The following PLCG1 variants were observed in gnomAD, a reference collection of about 807,000 sequenced individuals.
PLCG1 encodes phospholipase C gamma 1.
Under a neutral mutation model 177.8 loss-of-function variants are expected in PLCG1, and 71 were observed. The ratio of observed to expected loss-of-function variants is 0.40; its 90% confidence interval spans 0.33 to 0.49. PLCG1 has a LOEUF of 0.49. PLCG1 is among the 20% of genes least tolerant of loss of function. The pLI is 0.72. For missense variants in PLCG1, 1,281 were observed against 1,709.0 expected (o/e 0.75, Z 4.42); for synonymous variants, 658 against 647.9 (o/e 1.02, Z -0.24).
At chr20:41,139,068 G>A (rs182097946) in intron 1 of PLCG1, among the ~76,000 whole-genome samples, 26 of 152,302 alleles carry the variant, frequency 1.7e-4, no homozygotes, top group Non-Finnish European at 2.8e-4. Flanking sequence ...AAACCTTCTT[G>A]GGTATGGTGT....
Position 41,169,493 on chromosome 20 carries a change from CG to C in PLCG1, c.2623del (p.Val875SerfsTer49). On this transcript the variant is annotated frameshift_variant, in exon 23 of 32. Coordinates refer to ENST00000685551, the MANE Select transcript of PLCG1 (RefSeq NM_002660.3). LOFTEE classifies it high-confidence loss of function. Reference protein sequence around the residue: ...DENSPLGDLLRGVLDVPACQI... With the variant: ...DENSPLGDLLXGVLDVPACQI... ...GAACAGCCCCCTAGGGGACTTGCTG[CG>C]GGGGGTCTTGGATGTGCCGGCTTGT... 1 of 1,613,596 alleles carries C rather than the reference CG, an allele frequency of 6.2e-7. No individual in the cohort carries two copies. The highest frequency in any genetic ancestry group is 8.5e-7 in the Non-Finnish European group (1 of 1,179,598).
rs373656641 is a variant in PLCG1, at chr20:41,159,827, G to A, written c.371-43G>A. The A allele has an allele frequency of 5.3e-5, 85 of 1,612,684 alleles. No homozygotes were observed. In the Middle Eastern group the frequency reaches 9.9e-4, roughly 19 times the overall value. On this transcript the variant is annotated intron_variant, in intron 2 of 31. Coordinates refer to ENST00000685551, the MANE Select transcript of PLCG1 (RefSeq NM_002660.3). The surrounding 1 kb of genome is among the most constrained non-coding windows in gnomAD (Gnocchi z 6.0). ...ATGCCTGCTGGCTCCTGCCCAGTGG[G>A]AGGTATGTGCCCTCGGGGCAGCTAT...
At position 41,164,227 on chromosome 20, in the gene PLCG1, G is replaced by T; in HGVS notation, c.1217+26G>T. On this transcript the variant is annotated intron_variant, in intron 12 of 31. Transcript: ENST00000685551. This position sits in a 1 kb window ranked among gnomAD's most constrained non-coding sequence, Gnocchi z 6.4. ...GTGAGTCGGAGGCTGGATGACCCAG[G>T]GGTTAACTTGGCTCCAGGTCTCTCG... 1 of 1,612,950 alleles carries T rather than the reference G, an allele frequency of 6.2e-7. No homozygotes were observed. The highest frequency in any genetic ancestry group is 1.1e-5 in the South Asian group (1 of 91,004).
At chr20:41,139,453 C>G (rs1160593839) in intron 1 of PLCG1, among the ~76,000 whole-genome samples, 1 of 152,146 alleles carries the variant, frequency 6.6e-6, no homozygotes, top group African/African-American at 2.4e-5. Flanking sequence ...CATTTTAAAC[C>G]ACGCATATTA....
chr20:41,172,928 TG>T lies in PLCG1; in HGVS notation c.3279+53del, dbSNP rs778444742. On this transcript the variant is annotated intron_variant, in intron 27 of 31. Transcript: ENST00000685551. The surrounding 1 kb of genome is among the most constrained non-coding windows in gnomAD (Gnocchi z 7.0). ...GGGTAGGAAAGGGGCTGCTTGCCGTTGGAGTCTGTTTATGTTGAGTTCTCCA... is the reference window on the plus strand; with the variant it reads ...GGGTAGGAAAGGGGCTGCTTGCCGTTGAGTCTGTTTATGTTGAGTTCTCCA... The T allele has an allele frequency of 2.6e-5, 41 of 1,586,548 alleles. No individual in the cohort carries two copies. The East Asian group carries it at 8.8e-4, about 34-fold the overall frequency.
In PLCG1 at chr20:41,174,581, G is replaced by A; in HGVS notation, c.*72G>A. ...AGAATGCCGCGAACTGGGTTCTTTG[G>A]AAGCAGCCCCCTGTGGCGGCCTTCC... On this transcript the variant is annotated 3_prime_UTR_variant, in exon 32 of 32. Transcript: ENST00000685551. This position sits in a 1 kb window ranked among gnomAD's most constrained non-coding sequence, Gnocchi z 5.8. 1.4e-6 allele frequency: 2 copies of A among 1,389,010 alleles called. No individual in the cohort carries two copies. The highest frequency in any genetic ancestry group is 2.0e-6 in the Non-Finnish European group (2 of 999,266). 86.0% of individuals were successfully genotyped at this position (1,389,010 alleles called of 1,614,324 possible). A position where few individuals can be genotyped will look rare whatever the true frequency, so the allele number is the denominator to read the frequency against.
chr20:41,145,797 G>A (rs2146004056), intron 1 of PLCG1, among the ~76,000 whole-genome samples: 1 of 152,294 alleles, frequency 6.6e-6, no homozygotes, highest in Middle Eastern at 3.4e-3. Context: ...CTTAAGAGAG[G>A]CTATGGTCCC....
rs1380404320 is a variant in PLCG1, at chr20:41,163,678, A to G, written c.892-37A>G. Reference sequence around the variant, plus strand: ...CCATCTTGGGTTGGACAGGGCAGGGACTCACTGTCTCTTCCCTTCCACATG... The same window carrying G: ...CCATCTTGGGTTGGACAGGGCAGGGGCTCACTGTCTCTTCCCTTCCACATG... On this transcript the variant is annotated intron_variant, in intron 9 of 31. Transcript: ENST00000685551. The surrounding 1 kb of genome is among the most constrained non-coding windows in gnomAD (Gnocchi z 5.2). 1.0e-5 allele frequency: 14 copies of G among 1,402,496 alleles called. No individual in the cohort carries two copies. The highest frequency in any genetic ancestry group is 1.4e-5 in the African/African-American group (1 of 70,754). The allele number at this position is 1,402,496 out of a possible 1,614,324, so 86.9% of individuals were successfully genotyped here.
chr20:41,164,328 C>G lies in PLCG1; in HGVS notation c.1217+127C>G. 1 of 918,476 alleles carries G rather than the reference C, an allele frequency of 1.1e-6. No individual in the cohort carries two copies. Among genetic ancestry groups the G allele is most frequent in the Non-Finnish European group, 1.7e-6 (1 of 598,570 alleles). The allele number at this position is 918,476 out of a possible 1,614,324, so 56.9% of individuals were successfully genotyped here. A position where few individuals can be genotyped will look rare whatever the true frequency, so the allele number is the denominator to read the frequency against. On this transcript the variant is annotated intron_variant, in intron 12 of 31. Coordinates refer to ENST00000685551, the MANE Select transcript of PLCG1 (RefSeq NM_002660.3). This position sits in a 1 kb window ranked among gnomAD's most constrained non-coding sequence, Gnocchi z 6.4. ...CCCTCAGCCTTTCATCTTTGTCCTT[C>G]CTCTTGGCCTCTCCTCGTCACCTGC...
Position 41,162,665 on chromosome 20 carries a change from C to A in PLCG1, c.621C>A (p.Asp207Glu). ...RLTDLEQRSGDITYGQFAQLY... is the reference protein window; with the variant it reads ...RLTDLEQRSGEITYGQFAQLY... ...AGGACCTGGAGCAGCGCAGCGGGGA[C>A]ATCACCTACGGGCAGTTTGCTCAGC... Residue 207 changes from aspartate (D) to glutamate (E), a missense_variant, in exon 6 of 32, where the codon GAC becomes GAA. Asp to Glu is a conservative substitution (Grantham distance 45). This residue lies in a region of PLCG1 where 374 missense variants were observed against 443.8 expected (regional missense o/e 0.84). Coordinates refer to ENST00000685551, the MANE Select transcript of PLCG1 (RefSeq NM_002660.3). The A allele has an allele frequency of 6.2e-7, 1 of 1,614,016 alleles. No homozygotes were observed. The highest frequency in any genetic ancestry group is 1.3e-5 in the African/African-American group (1 of 75,026).
In PLCG1 at chr20:41,166,906, A is replaced by T. The variant is rs2035714844; in HGVS notation, c.2301+47A>T. On this transcript the variant is annotated intron_variant, in intron 19 of 31. Transcript: ENST00000685551. The surrounding 1 kb of genome is among the most constrained non-coding windows in gnomAD (Gnocchi z 8.6). ...GGGCATGGCAGGGGAGGCAGGAGAG[A>T]CCCAGAATCTTACCAGTCTCTGGAT... 6.4e-7 allele frequency: 1 copy of T among 1,550,704 alleles called. No homozygotes were observed. Among genetic ancestry groups the T allele is most frequent in the African/African-American group, 1.4e-5 (1 of 73,724 alleles).
Position 41,165,106 on chromosome 20 carries a change from G to C in PLCG1, c.1386+5G>C. On this transcript the variant is annotated splice_donor_5th_base_variant and intron_variant, in intron 13 of 31. Transcript: ENST00000685551. The surrounding 1 kb of genome is among the most constrained non-coding windows in gnomAD (Gnocchi z 6.6). ...AAGAGGAAGATCCTCATCAAGGTGG[G>C]GTGGCGGGCTTATTGCGGAAGCCCC... is the stretch of plus-strand genomic sequence containing the variant. 3 of 1,610,802 alleles carry C rather than the reference G, an allele frequency of 1.9e-6. No homozygotes were observed. The highest frequency in any genetic ancestry group is 1.7e-4 in the Middle Eastern group (1 of 6,042).
chr20:41,140,788 G>A (rs975667175), intron 1 of PLCG1, among the ~76,000 whole-genome samples: 14 of 152,336 alleles, frequency 9.2e-5, no homozygotes, highest in South Asian at 4.1e-4. Flanking sequence ...ATAAAATGCA[G>A]TTATGTAGAG....
chr20:41,154,721 C>T (rs753805397), intron 1 of PLCG1, among the ~76,000 whole-genome samples: 5 of 152,164 alleles, frequency 3.3e-5, no homozygotes, highest in Non-Finnish European at 5.9e-5. Flanking sequence ...TCTCCCTTTC[C>T]CAGGTTCCAG....
intron 1 of PLCG1, among the ~76,000 whole-genome samples, chr20:41,139,611 A>G (rs567346936): frequency 1.3e-5 from 2 of 152,328 alleles, no homozygotes; most frequent in African/African-American, 4.8e-5. Flanking sequence ...TCCAGTATAT[A>G]TGGTTGCTCC....
rs1009130794 is a variant in PLCG1 at position 41,163,629 on chromosome 20, ACT to A, written c.892-78_892-77del. ...TGCCCACCCCCAGTTGGGACAGAGC[ACT>A]CTCTCTCCTACCCCCAACCTACCAT... is the stretch of plus-strand genomic sequence containing the variant. On this transcript the variant is annotated intron_variant, in intron 9 of 31. Coordinates refer to ENST00000685551, the MANE Select transcript of PLCG1 (RefSeq NM_002660.3). The surrounding 1 kb of genome is among the most constrained non-coding windows in gnomAD (Gnocchi z 5.2). The A allele has an allele frequency of 1.6e-5, 18 of 1,096,186 alleles. No individual in the cohort carries two copies. Among genetic ancestry groups the A allele is most frequent in the African/African-American group, 6.2e-5 (4 of 64,882 alleles). 67.9% of individuals were successfully genotyped at this position (1,096,186 alleles called of 1,614,324 possible).
intron 1 of PLCG1, among the ~76,000 whole-genome samples, chr20:41,155,631 T>G (rs2035297111): frequency 6.6e-6 from 1 of 152,214 alleles, no homozygotes; most frequent in African/African-American, 2.4e-5. Flanking sequence ...CTGCTTGTAT[T>G]CTTCTCTTCA....
Position 41,166,454 on chromosome 20 carries a change from G to C in PLCG1, c.2001-22G>C. 1 of 1,613,916 alleles carries C rather than the reference G, an allele frequency of 6.2e-7. No individual in the cohort carries two copies. The highest frequency in any genetic ancestry group is 1.3e-5 in the African/African-American group (1 of 75,048). ...CAGGGCCATGGGTGGTGCTGGCCGG[G>C]CCTGACTCTGCCTGTTCTCAGGTGG... On this transcript the variant is annotated intron_variant, in intron 17 of 31. Transcript: ENST00000685551. This position sits in a 1 kb window ranked among gnomAD's most constrained non-coding sequence, Gnocchi z 8.6.
At chr20:41,155,279 C>CA (rs1311823500) in intron 1 of PLCG1, among the ~76,000 whole-genome samples, 1 of 152,224 alleles carries the variant, frequency 6.6e-6, no homozygotes, top group East Asian at 1.9e-4. Context: ...GTGGTAAGGG[C>CA]AGGCCAAGGC....
Sources: allele counts gnomAD v4.1 joint callset (sites outside exome capture counted in the v4.1 genomes callset), GRCh38; gene constraint gnomAD v4.1.1; regional missense constraint gnomAD v4.1.1; non-coding constraint Gnocchi (gnomAD v3.1); transcripts MANE v1.5; gene names NCBI Gene and HGNC (gene_info 2026-07-23, HGNC 2026-07-21).